IMMP2L: variants seen among roughly 807,000 people sequenced by gnomAD.
IMMP2L encodes mitochondrial inner membrane protease subunit 2.
Under a neutral mutation model 19.3 loss-of-function variants are expected in IMMP2L, and 18 were observed. The ratio of observed to expected loss-of-function variants is 0.93; its 90% confidence interval spans 0.64 to 1.38. The LOEUF (loss-of-function observed/expected upper bound fraction) is 1.38. Ranked by LOEUF, IMMP2L falls within the 40% of genes most tolerant of loss-of-function variation. The probability of loss-of-function intolerance (pLI) is 0.00; values close to 1 mark genes in which losing one functional copy is unlikely to be tolerated. For missense variants in IMMP2L, 233 were observed against 218.2 expected (o/e 1.07, Z -0.43); for synonymous variants, 76 against 73.0 (o/e 1.04, Z -0.21).
At chr7:111,025,352 G>C (rs13238113) in intron 3 of IMMP2L, among the ~76,000 whole-genome samples, 1 of 152,058 alleles carries the variant, frequency 6.6e-6, no homozygotes, top group South Asian at 2.1e-4. Context: ...GTAAATCCTA[G>C]AGTTTTACAC....
At chr7:111,219,676 A>T (rs893552273) in intron 3 of IMMP2L, among the ~76,000 whole-genome samples, 2 of 152,030 alleles carry the variant, frequency 1.3e-5, no homozygotes, top group African/African-American at 4.8e-5. Flanking sequence ...AGCTGTCAGT[A>T]TTCTATGATC....
intron 3 of IMMP2L, among the ~76,000 whole-genome samples, chr7:111,343,627 A>G (rs1385525604): frequency 6.6e-6 from 1 of 152,110 alleles, no homozygotes; most frequent in Non-Finnish European, 1.5e-5. Context: ...CTCTATATAC[A>G]ATGGCACTTA....
At chr7:111,391,710 T>C (rs574362695) in intron 3 of IMMP2L, 9 of 508,086 alleles carry the variant, frequency 1.8e-5, no homozygotes, top group South Asian at 1.0e-4. Flanking sequence ...AAGATGCAAA[T>C]TTTTTAAAAT....
chr7:111,389,885 CAAATA>C (rs1370024387), intron 3 of IMMP2L, among the ~76,000 whole-genome samples: 1 of 151,978 alleles, frequency 6.6e-6, no homozygotes, highest in East Asian at 1.9e-4. Flanking sequence ...GGGCACTAAA[CAAATA>C]AAATAAGGAT....
At chr7:111,158,743 G>A (rs576297766) in intron 3 of IMMP2L, among the ~76,000 whole-genome samples, 6 of 152,156 alleles carry the variant, frequency 3.9e-5, no homozygotes, top group Non-Finnish European at 7.4e-5. Flanking sequence ...ATTTATTCCA[G>A]TTTTCTTGAA....
chr7:111,332,696 A>T (rs1247639147), intron 3 of IMMP2L, among the ~76,000 whole-genome samples: 1 of 152,058 alleles, frequency 6.6e-6, no homozygotes, highest in Non-Finnish European at 1.5e-5. Flanking sequence ...GTCAAACTTT[A>T]CACCCTAAAA....
chr7:111,375,143 A>G (rs538851084), intron 3 of IMMP2L, among the ~76,000 whole-genome samples: 4 of 152,102 alleles, frequency 2.6e-5, no homozygotes, highest in African/African-American at 9.7e-5. Context: ...ATAGACTAAA[A>G]GTACTCACAC....
intron 5 of IMMP2L, among the ~76,000 whole-genome samples, chr7:110,835,105 T>A (rs938564086): frequency 6.6e-6 from 1 of 152,084 alleles, no homozygotes; most frequent in Admixed American, 6.6e-5. Context: ...CAGGAATAAG[T>A]ATGTAAAACA....
At chr7:111,334,979 C>T (rs978739663) in intron 3 of IMMP2L, among the ~76,000 whole-genome samples, 14 of 151,996 alleles carry the variant, frequency 9.2e-5, no homozygotes, top group African/African-American at 2.7e-4. Flanking sequence ...GTTAATCATT[C>T]CACAGAGAGC....
intron 3 of IMMP2L, among the ~76,000 whole-genome samples, chr7:111,284,440 A>C (rs2130730822): frequency 6.6e-6 from 1 of 152,220 alleles, no homozygotes; most frequent in African/African-American, 2.4e-5. Flanking sequence ...AGGGAGTAGG[A>C]CTGAGAAATT....
chr7:111,149,515 T>G (rs1404891926), intron 3 of IMMP2L, among the ~76,000 whole-genome samples: 1 of 152,176 alleles, frequency 6.6e-6, no homozygotes, highest in African/African-American at 2.4e-5. Flanking sequence ...AACAGTCAAT[T>G]AACACATAAA....
intron 3 of IMMP2L, among the ~76,000 whole-genome samples, chr7:111,279,790 C>A (rs1819499883): frequency 6.6e-6 from 1 of 152,090 alleles, no homozygotes; most frequent in Admixed American, 6.6e-5. Context: ...GGCCAGGTTA[C>A]AGAGACTTCA....
chr7:111,130,593 C>T (rs1801752603), intron 3 of IMMP2L, among the ~76,000 whole-genome samples: 1 of 152,020 alleles, frequency 6.6e-6, no homozygotes, highest in South Asian at 2.1e-4. Context: ...ATGGAGTGAG[C>T]TTGGAACATA....
At chr7:110,894,227 T>TC (rs572741556) in intron 4 of IMMP2L, among the ~76,000 whole-genome samples, 5 of 152,222 alleles carry the variant, frequency 3.3e-5, no homozygotes, top group African/African-American at 1.2e-4. Context: ...CTATAATACC[T>TC]CCCCTCAGCT....
chr7:110,836,852 G>T (rs998294386), intron 5 of IMMP2L, among the ~76,000 whole-genome samples: 1 of 152,126 alleles, frequency 6.6e-6, no homozygotes, highest in African/African-American at 2.4e-5. Flanking sequence ...TTTAAAGACT[G>T]ATAAATCCAG....
At chr7:111,139,674 A>C (rs1802685242) in intron 3 of IMMP2L, among the ~76,000 whole-genome samples, 1 of 152,208 alleles carries the variant, frequency 6.6e-6, no homozygotes, top group African/African-American at 2.4e-5. Flanking sequence ...CAGAAGACAC[A>C]TAAAATAGTG....
chr7:110,910,445 A>G (rs531791204), intron 4 of IMMP2L, among the ~76,000 whole-genome samples: 1 of 152,300 alleles, frequency 6.6e-6, no homozygotes, highest in African/African-American at 2.4e-5. Context: ...CATGTGGTCA[A>G]ATGCAGTGCC....
chr7:111,081,884 C>T (rs563727540), intron 3 of IMMP2L, among the ~76,000 whole-genome samples: 1 of 152,240 alleles, frequency 6.6e-6, no homozygotes, highest in African/African-American at 2.4e-5. Context: ...ATGAAAGTCC[C>T]GCAAACCCTA....
chr7:111,010,743 T>A (rs959163850), intron 3 of IMMP2L, among the ~76,000 whole-genome samples: 3 of 152,054 alleles, frequency 2.0e-5, no homozygotes, highest in Admixed American at 1.3e-4. Context: ...AGAAATCAGA[T>A]AACTGAAGCT....
Sources: allele counts gnomAD v4.1 joint callset (sites outside exome capture counted in the v4.1 genomes callset), GRCh38; gene constraint gnomAD v4.1.1; transcripts MANE v1.5; gene names NCBI Gene and HGNC (gene_info 2026-07-23, HGNC 2026-07-21).